The following ILKAP variants were observed in gnomAD, a reference collection of about 807,000 sequenced individuals.
ILKAP encodes the protein ILK associated serine/threonine phosphatase.
A neutral mutation model predicts 49.1 loss-of-function variants in ILKAP; 11 were observed. That is an observed-to-expected ratio of 0.22 (90% CI 0.14 to 0.37). ILKAP has a LOEUF of 0.37. Ranked by LOEUF, ILKAP falls within the 10% of genes least tolerant of loss-of-function variation. ILKAP has a pLI of 1.00. For missense variants in ILKAP, 363 were observed against 510.8 expected (o/e 0.71, Z 2.79); for synonymous variants, 186 against 192.8 (o/e 0.96, Z 0.29).
chr2:238,189,029 A>C (rs1004916908), intron 4 of ILKAP, among the ~76,000 whole-genome samples: 2 of 152,206 alleles, frequency 1.3e-5, no homozygotes, highest in East Asian at 3.8e-4. Flanking sequence ...TGAAAATCCC[A>C]CAGCTCGGGC....
At chr2:238,199,786 T>C (rs1265799337) in intron 1 of ILKAP, among the ~76,000 whole-genome samples, 2 of 152,160 alleles carry the variant, frequency 1.3e-5, no homozygotes, top group African/African-American at 4.8e-5. Context: ...TCTTTTTTTT[T>C]TTTAATCGTA....
chr2:238,196,759 T>C (rs943211580), intron 1 of ILKAP, among the ~76,000 whole-genome samples: 2 of 152,386 alleles, frequency 1.3e-5, no homozygotes, highest in Admixed American at 1.3e-4. Context: ...ACTATTTTGC[T>C]TTATATCCCT....
At chr2:238,180,167 CAA>C (rs937999114) in intron 9 of ILKAP, among the ~76,000 whole-genome samples, 2 of 129,612 alleles carry the variant, frequency 1.5e-5, no homozygotes, top group Non-Finnish European at 1.7e-5. Context: ...TTCTCTCTCT[CAA>C]AAAAAAAAAA....
intron 5 of ILKAP, among the ~76,000 whole-genome samples, chr2:238,187,241 A>T (rs1006577419): frequency 4.6e-5 from 7 of 152,234 alleles, no homozygotes; most frequent in African/African-American, 1.7e-4. Flanking sequence ...CAAGACAGCA[A>T]GACCCTGTCT....
intron 8 of ILKAP, among the ~76,000 whole-genome samples, 161 bp from the exon 9 acceptor site, chr2:238,182,347 C>T (rs1370879227): frequency 2.0e-5 from 3 of 152,196 alleles, no homozygotes; most frequent in Non-Finnish European, 4.4e-5. Context: ...GAGAATCAAG[C>T]AGCAAAGAAG....
intron 9 of ILKAP, among the ~76,000 whole-genome samples, chr2:238,178,773 C>T (rs1391787080): frequency 1.3e-5 from 2 of 151,854 alleles, no homozygotes; most frequent in Non-Finnish European, 2.9e-5. Flanking sequence ...AATTTATTCC[C>T]TACACTGATG....
chr2:238,171,150 T>A (rs7577745), intron 10 of ILKAP, 126 bp from the exon 11 acceptor site: 36,109 of 644,902 alleles, frequency 0.056, 2,634 homozygotes, highest in African/African-American at 0.28. Flanking sequence ...AGGTTTTTTT[T>A]TTCTTTTTTC....
intron 5 of ILKAP, chr2:238,185,616 A>G: frequency 4.7e-6 from 1 of 214,710 alleles, no homozygotes; most frequent in Non-Finnish European, 9.6e-6. Flanking sequence ...ATCCTGGCTA[A>G]CACGGTGAAA....
At chr2:238,174,299 G>A (rs139001484) in intron 9 of ILKAP, among the ~76,000 whole-genome samples, 1 of 152,142 alleles carries the variant, frequency 6.6e-6, no homozygotes, top group African/African-American at 2.4e-5. Flanking sequence ...ACATCTAAGG[G>A]ACAGTCCTAT....
At chr2:238,200,553 C>T (rs1448691397) in intron 1 of ILKAP, among the ~76,000 whole-genome samples, 1 of 152,224 alleles carries the variant, frequency 6.6e-6, no homozygotes, top group East Asian at 1.9e-4. Flanking sequence ...GGCACAGTGG[C>T]TTACCACTGT....
intron 2 of ILKAP, 93 bp from the exon 3 acceptor site, chr2:238,194,424 T>C (rs986452140): frequency 8.6e-7 from 1 of 1,161,372 alleles, no homozygotes; most frequent in Non-Finnish European, 1.3e-6. Flanking sequence ...TGTAGGTTAC[T>C]GAAATAAACT....
chr2:238,198,592 T>C (rs1210879993), intron 1 of ILKAP, among the ~76,000 whole-genome samples: 2 of 152,132 alleles, frequency 1.3e-5, no homozygotes, highest in South Asian at 2.1e-4. Flanking sequence ...GCTGCAATCA[T>C]TGGACAAAGT....
intron 1 of ILKAP, among the ~76,000 whole-genome samples, chr2:238,197,686 C>T (rs1694401824): frequency 6.6e-6 from 1 of 152,142 alleles, no homozygotes; most frequent in Admixed American, 6.5e-5. Context: ...CAAACTGAGC[C>T]CCATCCCCAG....
intron 9 of ILKAP, among the ~76,000 whole-genome samples, chr2:238,174,894 A>C (rs985368911): frequency 2.0e-5 from 3 of 152,192 alleles, no homozygotes; most frequent in African/African-American, 4.8e-5. Flanking sequence ...TCCCATGACC[A>C]GGTGACTGGG....
At chr2:238,193,748 C>T (rs1485456792) in intron 3 of ILKAP, among the ~76,000 whole-genome samples, 1 of 152,186 alleles carries the variant, frequency 6.6e-6, no homozygotes, top group Non-Finnish European at 1.5e-5. Flanking sequence ...CCATCTATCT[C>T]CCAACCTCTC....
In ILKAP at chr2:238,203,608, G is replaced by A. The variant is rs1269522470; in HGVS notation, c.-55C>T. The A allele has an allele frequency of 8.4e-5, 90 of 1,075,582 alleles. No homozygotes were observed. The highest frequency in any genetic ancestry group is 6.9e-6 in the Non-Finnish European group (6 of 872,062). 66.6% of individuals were successfully genotyped at this position (1,075,582 alleles called of 1,614,324 possible). On this transcript the variant is annotated 5_prime_UTR_variant, in exon 1 of 12. Transcript: ENST00000254654. ...GACAGACACTCAGCCCGCGAGCAGC[G>A]GCCGGGCTCCACACCCCGGGCGGGC...
intron 6 of ILKAP, among the ~76,000 whole-genome samples, chr2:238,184,732 G>GTTT (rs35676364): frequency 7.0e-6 from 1 of 143,700 alleles, no homozygotes. Context: ...AGTTAGGTTT[G>GTTT]TTTTTTTTTT....
chr2:238,173,678 A>G, intron 9 of ILKAP, 25 bp from the exon 10 acceptor site: 1 of 1,611,402 alleles, frequency 6.2e-7, no homozygotes, highest in Non-Finnish European at 8.5e-7. Flanking sequence ...AAAACATTTC[A>G]GACTCTACCT....
In ILKAP at chr2:238,203,492, C is replaced by T; in HGVS notation, c.55+7G>A. On this transcript the variant is annotated splice_region_variant and intron_variant, in intron 1 of 11. Coordinates refer to ENST00000254654, the MANE Select transcript of ILKAP (RefSeq NM_030768.3). ...TCCCTGGCCGGCCCGGCGGCAACGC[C>T]GCTTACCGGCAGCCGGGCGCGGCGA... is the stretch of plus-strand genomic sequence containing the variant. 1 of 1,251,308 alleles carries T rather than the reference C, an allele frequency of 8.0e-7. No homozygotes were observed. Among genetic ancestry groups the T allele is most frequent in the South Asian group, 2.0e-5 (1 of 50,874 alleles). 77.5% of individuals were successfully genotyped at this position (1,251,308 alleles called of 1,614,324 possible). A position where few individuals can be genotyped will look rare whatever the true frequency, so the allele number is the denominator to read the frequency against.
Sources: allele counts gnomAD v4.1 joint callset (sites outside exome capture counted in the v4.1 genomes callset), GRCh38; gene constraint gnomAD v4.1.1; transcripts MANE v1.5; gene names NCBI Gene and HGNC (gene_info 2026-07-23, HGNC 2026-07-21).